The following DRC7 variants were observed in gnomAD, a reference collection of about 807,000 sequenced individuals.
DRC7 encodes the protein dynein regulatory complex subunit 7.
Under a neutral mutation model 104.4 loss-of-function variants are expected in DRC7, and 80 were observed. The ratio of observed to expected loss-of-function variants is 0.77; its 90% CI spans 0.64 to 0.92. DRC7 has a LOEUF of 0.92. Among genes scored for constraint, DRC7 ranks in the 40% least tolerant of loss-of-function variants. The pLI, the probability that DRC7 is intolerant of heterozygous loss-of-function variation, is 0.00. For synonymous variants in DRC7, 405 were observed against 447.3 expected (o/e 0.91, Z 1.19); for missense variants, 1,034 against 1,141.1 (o/e 0.91, Z 1.35).
chr16:57,707,758 A>G (rs1432953470), intron 8 of DRC7, 80 bp downstream of exon 8: 2 of 1,333,582 alleles, frequency 1.5e-6, no homozygotes, highest in Non-Finnish European at 2.1e-6. Flanking sequence ...TGGCAGCCAG[A>G]CCTTGGGGAG....
intron 5 of DRC7, among the ~76,000 whole-genome samples, chr16:57,700,982 C>T (rs2048651610): frequency 6.6e-6 from 1 of 152,136 alleles, no homozygotes; most frequent in Non-Finnish European, 1.5e-5. Flanking sequence ...AAGTATTTGA[C>T]TTATGACCTG....
At chr16:57,701,223 A>C (rs1173458022) in intron 5 of DRC7, 1 of 152,236 alleles carries the variant, frequency 6.6e-6, no homozygotes, top group East Asian at 1.9e-4. Context: ...TTTGCCTTGG[A>C]AACGGATCAC....
intron 1 of DRC7, among the ~76,000 whole-genome samples, chr16:57,696,039 T>A (rs1163802544): frequency 2.6e-5 from 4 of 152,222 alleles, no homozygotes; most frequent in Non-Finnish European, 5.9e-5. Flanking sequence ...CTTTTTTTCC[T>A]TACTACTCGC....
At chr16:57,712,847 A>G (rs142024608) in intron 8 of DRC7, among the ~76,000 whole-genome samples, 2 of 152,140 alleles carry the variant, frequency 1.3e-5, no homozygotes, top group African/African-American at 4.8e-5. Context: ...TTCTTTTCTA[A>G]CATAAGCCTT....
In DRC7 at chr16:57,731,046, G is replaced by T. The variant is rs144790676; in HGVS notation, c.2507G>T (p.Arg836Leu). The T allele has an allele frequency of 6.2e-7, 1 of 1,613,690 alleles. No individual in the cohort carries two copies. Among genetic ancestry groups the T allele is most frequent in the Admixed American group, 1.7e-5 (1 of 59,996 alleles). Residue 836 changes from arginine to leucine, a missense_variant, in exon 18 of 19, where the codon CGC becomes CTC. Coordinates refer to ENST00000360716, the MANE Select transcript of DRC7 (RefSeq NM_001289162.2). ...SYCSQAMFRI[R>L]ILEQRLNRHK... ...TGCTCTCAGGCCATGTTCCGCATCC[G>T]CATCCTGGAGCAGCGCCTCAATCGG...
intron 17 of DRC7, among the ~76,000 whole-genome samples, chr16:57,730,506 T>C (rs758981789): frequency 7.2e-5 from 11 of 152,026 alleles, no homozygotes; most frequent in Non-Finnish European, 1.5e-4. Flanking sequence ...CTCCTAGTCC[T>C]TGACCCATTT....
intron 8 of DRC7, among the ~76,000 whole-genome samples, chr16:57,718,054 C>T (rs1398779368): frequency 2.6e-5 from 4 of 152,186 alleles, no homozygotes; most frequent in African/African-American, 7.2e-5. Flanking sequence ...CAGGTCTAGC[C>T]CAGGCCAGAG....
rs1337694807 is a variant in DRC7, at chr16:57,731,320, C to G, written c.*62C>G. ...AAGGAAACCTCTTCCCGCAGCCTGGCTCCTGTGTTCCCTCTATCCAGCCAA... is the reference window on the plus strand; with the variant it reads ...AAGGAAACCTCTTCCCGCAGCCTGGGTCCTGTGTTCCCTCTATCCAGCCAA... On this transcript the variant is annotated 3_prime_UTR_variant, in exon 19 of 19. Transcript: ENST00000360716. The G allele has an allele frequency of 4.5e-6, 6 of 1,347,242 alleles. No homozygotes were observed. Among genetic ancestry groups the G allele is most frequent in the Non-Finnish European group, 3.2e-6 (3 of 947,304 alleles). The allele number at this position is 1,347,242 out of a possible 1,614,324, so 83.5% of individuals were successfully genotyped here.
intron 15 of DRC7, 61 bp downstream of exon 15, chr16:57,727,003 G>A (rs374206219): frequency 7.6e-5 from 81 of 1,064,696 alleles, no homozygotes; most frequent in African/African-American, 5.0e-4. Flanking sequence ...ATAGGGTCTC[G>A]CTCTATAACC....
chr16:57,698,032 T>C lies in DRC7; in HGVS notation c.83T>C (p.Met28Thr). Residue 28 changes from methionine to threonine, a missense_variant, in exon 3 of 19, where the codon ATG (methionine) becomes ACG (threonine). By Grantham distance (81) the Met-to-Thr change is moderately conservative. Transcript: ENST00000360716. ...EAAEWAEWAR[M>T]EKMMRPVEVR... ...GCCGAGTGGGCTGAATGGGCGAGGA[T>C]GGAGAAAATGATGAGGCCAGTTGAG... is the stretch of plus-strand genomic sequence containing the variant. The C allele has an allele frequency of 6.2e-7, 1 of 1,613,422 alleles. No individual in the cohort carries two copies. The highest frequency in any genetic ancestry group is 8.5e-7 in the Non-Finnish European group (1 of 1,179,902).
chr16:57,716,982 C>T (rs2048849773), intron 8 of DRC7, among the ~76,000 whole-genome samples: 1 of 151,800 alleles, frequency 6.6e-6, no homozygotes, highest in African/African-American at 2.4e-5. Context: ...CATGGTGAAA[C>T]CCTGTCTCTA....
chr16:57,730,632 C>G (rs1451120424), intron 17 of DRC7, among the ~76,000 whole-genome samples: 1 of 152,022 alleles, frequency 6.6e-6, no homozygotes, highest in African/African-American at 2.4e-5. Flanking sequence ...CTTTTGTAGA[C>G]AAGAAATTGC....
At chr16:57,700,064 G>A in intron 4 of DRC7, 81 bp from the exon 5 acceptor site, 1 of 1,512,690 alleles carries the variant, frequency 6.6e-7, no homozygotes, top group Non-Finnish European at 9.0e-7. Flanking sequence ...GGGTCCCCCT[G>A]TGGATTCAAG....
intron 8 of DRC7, among the ~76,000 whole-genome samples, chr16:57,710,552 C>A (rs1386433414): frequency 1.3e-5 from 2 of 152,188 alleles, no homozygotes; most frequent in Admixed American, 6.5e-5. Flanking sequence ...GTGATGAAAG[C>A]AAACCTGTTT....
At position 57,730,991 on chromosome 16, in the gene DRC7, C is replaced by A. The variant is rs1353541962; in HGVS notation, c.2452C>A (p.Pro818Thr). 3 of 1,613,618 alleles carry A rather than the reference C, an allele frequency of 1.9e-6. No homozygotes were observed. The highest frequency in any genetic ancestry group is 2.5e-6 in the Non-Finnish European group (3 of 1,179,972). Residue 818 changes from proline (P) to threonine (T), a missense_variant, in exon 18 of 19, where the codon CCC (proline) becomes ACC (threonine). Pro to Thr is a conservative substitution (Grantham distance 38). Coordinates refer to ENST00000360716, the MANE Select transcript of DRC7 (RefSeq NM_001289162.2). ...WYQENQVTLT[P>T]EDEDLYLSYC... ...CCAGGAGAACCAGGTGACGCTGACA[C>A]CCGAGGATGAAGACCTGTACCTGAG... is the stretch of plus-strand genomic sequence containing the variant.
chr16:57,716,401 G>C (rs1448175161), intron 8 of DRC7, among the ~76,000 whole-genome samples: 1 of 151,532 alleles, frequency 6.6e-6, no homozygotes, highest in African/African-American at 2.4e-5. Flanking sequence ...TACTCAGGAG[G>C]CTGAGGCATG....
Position 57,724,710 on chromosome 16 carries a change from C to A in DRC7, c.1633C>A (p.Pro545Thr). 6.2e-7 allele frequency: 1 copy of A among 1,613,882 alleles called. No homozygotes were observed. The highest frequency in any genetic ancestry group is 8.5e-7 in the Non-Finnish European group (1 of 1,179,988). ...VDGLMKREET[P>T]RTMTEYYQGR... ...TGGCCTGATGAAGCGGGAGGAGACA[C>A]CCAGGACAATGACAGAGTACTATCA... Residue 545 changes from proline to threonine, a missense_variant, in exon 13 of 19, where the codon CCC becomes ACC. Coordinates refer to ENST00000360716, the MANE Select transcript of DRC7 (RefSeq NM_001289162.2).
chr16:57,730,823 G>T (rs981471218), intron 17 of DRC7, 108 bp from the exon 18 acceptor site: 6 of 1,243,274 alleles, frequency 4.8e-6, no homozygotes, highest in African/African-American at 3.0e-5. Flanking sequence ...TGGGGACACT[G>T]GGGCCAACCG....
intron 8 of DRC7, among the ~76,000 whole-genome samples, chr16:57,712,406 G>A (rs1435903898): frequency 2.0e-5 from 3 of 152,128 alleles, no homozygotes; most frequent in East Asian, 1.9e-4. Context: ...CCTTGGCCCC[G>A]TTTTAGCTAG....
Sources: gnomAD v4.1 joint callset for allele counts (sites outside exome capture counted in the v4.1 genomes callset) on GRCh38, gnomAD v4.1.1 for gene constraint, MANE v1.5 for transcripts, NCBI Gene and HGNC (gene_info 2026-07-23, HGNC 2026-07-21) for gene names.